C10orf67: variants seen among roughly 807,000 people sequenced by gnomAD.
C10orf67 encodes uncharacterized protein C10orf67, mitochondrial.
Under a neutral mutation model 35.6 loss-of-function variants are expected in C10orf67, and 60 were observed. The ratio of observed to expected loss-of-function variants is 1.68; its 90% CI spans 1.37 to 2.09. The LOEUF is 2.09. Ranked by LOEUF, C10orf67 falls within the 30% of genes most tolerant of loss-of-function variation. The pLI, the probability that C10orf67 is intolerant of heterozygous loss-of-function variation, is 0.00. For synonymous variants in C10orf67, 167 were observed against 115.8 expected, an observed-to-expected ratio of 1.44 and a Z score of -2.84; for missense variants, 474 against 330.2, an observed-to-expected ratio of 1.44 and a Z score of -3.38.
chr10:23,206,302 T>C (rs1367334361), intron 15 of C10orf67, among the ~76,000 whole-genome samples: 1 of 152,204 alleles, frequency 6.6e-6, no homozygotes, highest in Non-Finnish European at 1.5e-5. Context: ...TGTTTAAACT[T>C]GCAGAGCTCA....
At chr10:23,338,145 C>T (rs1018043685) in intron 1 of C10orf67, among the ~76,000 whole-genome samples, 2 of 152,042 alleles carry the variant, frequency 1.3e-5, no homozygotes, top group Non-Finnish European at 2.9e-5. Flanking sequence ...ATCTGAATGC[C>T]CACCCAAGGG....
chr10:23,268,737 C>T (rs1842945754), intron 8 of C10orf67, among the ~76,000 whole-genome samples: 1 of 152,212 alleles, frequency 6.6e-6, no homozygotes, highest in Admixed American at 6.5e-5. Flanking sequence ...CATGTGCATA[C>T]ATTAGAGTGT....
chr10:23,336,837 T>A (rs1016418656), intron 1 of C10orf67, among the ~76,000 whole-genome samples: 45 of 152,052 alleles, frequency 3.0e-4, no homozygotes, highest in African/African-American at 1.1e-3. Context: ...CTAAAAACCA[T>A]CCTCCACTAA....
At chr10:23,319,872 C>G (rs920393494) in intron 4 of C10orf67, among the ~76,000 whole-genome samples, 2 of 152,298 alleles carry the variant, frequency 1.3e-5, no homozygotes, top group East Asian at 3.9e-4. Context: ...GAATCTAGCA[C>G]TTTGGCTTCT....
chr10:23,283,161 T>C (rs1048505219), intron 7 of C10orf67, among the ~76,000 whole-genome samples: 1 of 152,204 alleles, frequency 6.6e-6, no homozygotes, highest in African/African-American at 2.4e-5. Context: ...TGTATCAAAA[T>C]ATTTCATATA....
chr10:23,308,427 A>T (rs1333147440), intron 4 of C10orf67, among the ~76,000 whole-genome samples: 3 of 152,086 alleles, frequency 2.0e-5, no homozygotes, highest in Non-Finnish European at 4.4e-5. Context: ...TGGTATACAA[A>T]ACGGCAGCCT....
At chr10:23,263,442 C>A (rs1258073863) in intron 10 of C10orf67, among the ~76,000 whole-genome samples, 2 of 151,790 alleles carry the variant, frequency 1.3e-5, no homozygotes, top group East Asian at 1.9e-4. Flanking sequence ...GTCATAACTG[C>A]GAAATAGTTG....
At chr10:23,228,996 C>G (rs1841829126) in intron 13 of C10orf67, among the ~76,000 whole-genome samples, 1 of 152,104 alleles carries the variant, frequency 6.6e-6, no homozygotes, top group Non-Finnish European at 1.5e-5. Context: ...GGACAGTAAA[C>G]TAGTTCAACC....
chr10:23,244,584 A>T (rs538305415), intron 12 of C10orf67, among the ~76,000 whole-genome samples: 23 of 152,302 alleles, frequency 1.5e-4, no homozygotes, highest in South Asian at 6.2e-4. Flanking sequence ...GAAATTTTTT[A>T]AAAAATTCCA....
At chr10:23,281,105 G>A (rs1416770645) in intron 8 of C10orf67, among the ~76,000 whole-genome samples, 1 of 152,056 alleles carries the variant, frequency 6.6e-6, no homozygotes, top group Non-Finnish European at 1.5e-5. Flanking sequence ...TTTGCGAATC[G>A]CCAACCATAA....
chr10:23,240,706 C>T (rs1424243192), intron 12 of C10orf67, among the ~76,000 whole-genome samples: 1 of 152,208 alleles, frequency 6.6e-6, no homozygotes, highest in Non-Finnish European at 1.5e-5. Flanking sequence ...AGCATTTACT[C>T]ACACAAAAGA....
chr10:23,274,393 C>G (rs1016055251), intron 8 of C10orf67, among the ~76,000 whole-genome samples: 7 of 152,160 alleles, frequency 4.6e-5, no homozygotes, highest in Non-Finnish European at 8.8e-5. Context: ...CTTATCTCAA[C>G]AGCATAAGAC....
chr10:23,239,636 G>A (rs1842129940), intron 13 of C10orf67, 93 bp downstream of exon 13: 1 of 561,542 alleles, frequency 1.8e-6, no homozygotes, highest in Middle Eastern at 2.7e-4. Context: ...AGCCTGTAAT[G>A]ACAGGGGCTT....
chr10:23,303,533 C>T (rs1433901107), intron 4 of C10orf67, 74 bp from the exon 5 acceptor site: 3 of 422,242 alleles, frequency 7.1e-6, no homozygotes, highest in Non-Finnish European at 1.3e-5. Flanking sequence ...CTAAATTAGA[C>T]ACTCAGCATT....
At chr10:23,321,842 A>G (rs1844969140) in intron 3 of C10orf67, among the ~76,000 whole-genome samples, 1 of 151,846 alleles carries the variant, frequency 6.6e-6, no homozygotes, top group African/African-American at 2.4e-5. Context: ...GCTAGAGTGC[A>G]GTGGTGTGAT....
chr10:23,229,244 C>A (rs548222711), intron 13 of C10orf67, among the ~76,000 whole-genome samples: 9 of 152,082 alleles, frequency 5.9e-5, no homozygotes, highest in Non-Finnish European at 1.0e-4. Flanking sequence ...CCATGGAATA[C>A]TATGCAGCCA....
At chr10:23,209,079 C>T (rs566551468) in intron 15 of C10orf67, among the ~76,000 whole-genome samples, 24 of 151,998 alleles carry the variant, frequency 1.6e-4, no homozygotes, top group African/African-American at 5.8e-4. Flanking sequence ...CATGAAACAG[C>T]AGGGCACTGC....
At chr10:23,304,223 A>C (rs992544023) in intron 4 of C10orf67, among the ~76,000 whole-genome samples, 4 of 152,084 alleles carry the variant, frequency 2.6e-5, no homozygotes, top group African/African-American at 9.7e-5. Context: ...TCAGTCTCAC[A>C]GCAGATCTTG....
chr10:23,320,066 A>G (rs1323373084), intron 4 of C10orf67, among the ~76,000 whole-genome samples: 2 of 152,208 alleles, frequency 1.3e-5, no homozygotes, highest in African/African-American at 4.8e-5. Flanking sequence ...CACAGCAGAG[A>G]GTAACACACA....
Sources: gnomAD v4.1 joint callset for allele counts (sites outside exome capture counted in the v4.1 genomes callset) on GRCh38, gnomAD v4.1.1 for gene constraint, MANE v1.5 for transcripts, NCBI Gene and HGNC (gene_info 2026-07-23, HGNC 2026-07-21) for gene names.